FAM181A: variants seen among roughly 807,000 people sequenced by gnomAD.
The protein encoded by FAM181A is protein FAM181A.
FAM181A carries 7 observed loss-of-function variants against 16.3 expected under a neutral mutation model. The observed-to-expected ratio is 0.43, with a 90% CI of 0.24 to 0.81. The LOEUF is 0.81. Ranked by LOEUF, FAM181A falls within the 30% of genes least tolerant of loss-of-function variation. FAM181A has a pLI of 0.24. For synonymous variants in FAM181A, 183 were observed against 164.9 expected, an observed-to-expected ratio of 1.11 and a Z score of -0.84; for missense variants, 349 against 377.5, an observed-to-expected ratio of 0.92 and a Z score of 0.63.
At chr14:93,925,341 G>T, upstream of FAM181A, 1 of 1,613,446 alleles carries the variant, frequency 6.2e-7, no homozygotes. Flanking sequence ...CAGAAGGCCT[G>T]GGGAGAAAAG....
In FAM181A at chr14:93,928,988, C is replaced by T. The variant is rs544276949; in HGVS notation, c.703C>T (p.Pro235Ser). ...PGPLGALPQS[P>S]VPSLGLWRKS... Reference sequence around the variant, plus strand: ...CCCCCTGGGGGCACTGCCTCAGAGTCCTGTCCCCAGCCTGGGCCTTTGGAG... The same window carrying T: ...CCCCCTGGGGGCACTGCCTCAGAGTTCTGTCCCCAGCCTGGGCCTTTGGAG... Residue 235 changes from proline (P) to serine (S), a missense_variant, in exon 2 of 2, where the codon CCT becomes TCT. Pro to Ser is a moderately conservative substitution (Grantham distance 74, BLOSUM62 -1). Transcript: ENST00000556222. 229 of 1,612,722 alleles carry T rather than the reference C, an allele frequency of 1.4e-4. 4 individuals are homozygous for T. The South Asian group carries it at 2.5e-3, about 17-fold the overall frequency.
In FAM181A at chr14:93,929,294, G is replaced by C; in HGVS notation, c.*130G>C. On this transcript the variant is annotated 3_prime_UTR_variant, in exon 2 of 2. Transcript: ENST00000556222. ...CGTTTGTGTGCGCATGGGAGTGGAG[G>C]GCAGGATTGGGGCAGGGCTCCTCAG... 8.0e-7 allele frequency: 1 copy of C among 1,249,438 alleles called. No individual in the cohort carries two copies. Among genetic ancestry groups the C allele is most frequent in the Non-Finnish European group, 1.1e-6 (1 of 937,188 alleles). The allele number at this position is 1,249,438 out of a possible 1,614,324, so 77.4% of individuals were successfully genotyped here.
At chr14:93,927,589 G>A in intron 1 of FAM181A, 135 bp downstream of exon 1, 1 of 1,287,004 alleles carries the variant, frequency 7.8e-7, no homozygotes, top group Non-Finnish European at 1.0e-6. Context: ...TTCTTCGGGG[G>A]AATCCCTGCT....
rs752673361 is a variant in FAM181A at position 93,929,126 on chromosome 14, G to A, written c.841G>A (p.Val281Met). 5.2e-5 allele frequency: 79 copies of A among 1,523,688 alleles called. No individual in the cohort carries two copies. The highest frequency in any genetic ancestry group is 1.1e-4 in the African/African-American group (8 of 71,964). The allele number at this position is 1,523,688 out of a possible 1,614,324, so 94.4% of individuals were successfully genotyped here. A position where few individuals can be genotyped will look rare whatever the true frequency, so the allele number is the denominator to read the frequency against. Residue 281 changes from valine (V) to methionine (M), a missense_variant, in exon 2 of 2, where the codon GTG (valine) becomes ATG (methionine). Val to Met is a conservative substitution (Grantham distance 21). Transcript: ENST00000556222. The part of the protein sequence containing the change: ...VLKPIPTKPA[V>M]PPPIFNVFGY... ...GAAACCCATCCCCACCAAGCCAGCC[G>A]TGCCCCCACCCATCTTCAATGTCTT...
chr14:93,925,389 G>T, upstream of FAM181A: 1 of 1,606,910 alleles, frequency 6.2e-7, no homozygotes, highest in South Asian at 1.1e-5. Flanking sequence ...GTAGTCAGAT[G>T]CCAGCTGCTG....
chr14:93,919,687 G>A (rs1451048583), intron 1 of FAM181A, among the ~76,000 whole-genome samples: 1 of 152,154 alleles, frequency 6.6e-6, no homozygotes, highest in Non-Finnish European at 1.5e-5. Context: ...TCCCACGTGG[G>A]TCTTCTTGTT....
In FAM181A at chr14:93,928,738, G is replaced by A. The variant is rs546229944; in HGVS notation, c.453G>A (p.Val151=). Residue 151 remains valine (V), a synonymous_variant, in exon 2 of 2, where the codon GTG becomes GTA. Coordinates refer to ENST00000556222, the MANE Select transcript of FAM181A (RefSeq NM_001207073.2). ...EEPRPTHSYH[V]GLEGGLGPRE... ...CAAGGCCCACCCACAGCTACCATGTGGGGCTGGAGGGGGGACTGGGCCCCA... is the reference window on the plus strand; with the variant it reads ...CAAGGCCCACCCACAGCTACCATGTAGGGCTGGAGGGGGGACTGGGCCCCA... 2 of 1,613,952 alleles carry A rather than the reference G, an allele frequency of 1.2e-6. No homozygotes were observed. The highest frequency in any genetic ancestry group is 4.5e-5 in the East Asian group (2 of 44,870).
At chr14:93,925,482 G>A, upstream of FAM181A, 1 of 961,334 alleles carries the variant, frequency 1.0e-6, no homozygotes, top group Non-Finnish European at 1.5e-6. Context: ...CAGGCCCTCA[G>A]GGCGCTCTCT....
At chr14:93,925,198 G>C (rs1484733369), upstream of FAM181A, 1 of 1,411,866 alleles carries the variant, frequency 7.1e-7, no homozygotes, top group East Asian at 2.3e-5. Flanking sequence ...GTGCAGAATG[G>C]GCCAGCAGGG....
rs1411856593 is a variant in FAM181A, at chr14:93,927,375, C to T, written c.-167C>T. 8.8e-7 allele frequency: 1 copy of T among 1,133,056 alleles called. No individual in the cohort carries two copies. Among genetic ancestry groups the T allele is most frequent in the African/African-American group, 1.7e-5 (1 of 59,420 alleles). The allele number at this position is 1,133,056 out of a possible 1,614,324, so 70.2% of individuals were successfully genotyped here. ...CTGCTTCCAGCCGGACGGAGCTCGG[C>T]CGGCTGCGCCGGGGCCTGTCCCAGG... On this transcript the variant is annotated 5_prime_UTR_variant, in exon 1 of 2. Coordinates refer to ENST00000556222, the MANE Select transcript of FAM181A (RefSeq NM_001207073.2).
chr14:93,922,409 G>C (rs1887756852), upstream of FAM181A: 1 of 152,174 alleles, frequency 6.6e-6, no homozygotes, highest in Non-Finnish European at 1.5e-5. Context: ...GCTTTTTTAG[G>C]CTGGGCGTGG....
intron 1 of FAM181A, among the ~76,000 whole-genome samples, chr14:93,921,684 G>A (rs185423431): frequency 2.8e-4 from 43 of 152,330 alleles, no homozygotes; most frequent in African/African-American, 8.4e-4. Context: ...TCCCCGAGCT[G>A]GTGTGGTCGG....
chr14:93,927,490 G>T, intron 1 of FAM181A, 36 bp downstream of exon 1: 1 of 1,266,610 alleles, frequency 7.9e-7, no homozygotes, highest in Non-Finnish European at 1.0e-6. Flanking sequence ...GGCCCGACTG[G>T]GTGGCGGGTG....
chr14:93,921,174 G>A (rs939354646), intron 1 of FAM181A, among the ~76,000 whole-genome samples: 3 of 152,218 alleles, frequency 2.0e-5, no homozygotes, highest in African/African-American at 7.2e-5. Flanking sequence ...GAGAGGGTGA[G>A]TGACTACCTC....
chr14:93,928,749 G>T lies in FAM181A; in HGVS notation c.464G>T (p.Gly155Val), dbSNP rs1888032268. Residue 155 changes from glycine to valine, a missense_variant, in exon 2 of 2, where the codon GGG (glycine) becomes GTG (valine). Transcript: ENST00000556222. ...PTHSYHVGLE[G>V]GLGPREGPPY... ...CACAGCTACCATGTGGGGCTGGAGG[G>T]GGGACTGGGCCCCAGGGAGGGACCT... 1 of 1,613,858 alleles carries T rather than the reference G, an allele frequency of 6.2e-7. No individual in the cohort carries two copies. Among genetic ancestry groups the T allele is most frequent in the Admixed American group, 1.7e-5 (1 of 60,010 alleles).
chr14:93,919,183 G>A (rs931462684), intron 1 of FAM181A, among the ~76,000 whole-genome samples: 2 of 152,206 alleles, frequency 1.3e-5, no homozygotes, highest in Admixed American at 1.3e-4. Context: ...GCAAGGGAAG[G>A]GCACCGACTA....
Position 93,928,948 on chromosome 14 carries a change from G to A in FAM181A, c.663G>A (p.Gln221=), listed in dbSNP as rs750801341. ...WSCCPFQYHG[Q]PIYPGPLGAL... ...GCTGCCCCTTCCAGTACCATGGACAGCCCATCTATCCGGGCCCCCTGGGGG... is the reference window on the plus strand; with the variant it reads ...GCTGCCCCTTCCAGTACCATGGACAACCCATCTATCCGGGCCCCCTGGGGG... Residue 221 remains glutamine (Q), a synonymous_variant, in exon 2 of 2, where the codon CAG becomes CAA. Coordinates refer to ENST00000556222, the MANE Select transcript of FAM181A (RefSeq NM_001207073.2). The A allele has an allele frequency of 6.2e-7, 1 of 1,614,084 alleles. No individual in the cohort carries two copies. The highest frequency in any genetic ancestry group is 8.5e-7 in the Non-Finnish European group (1 of 1,179,990).
At chr14:93,920,151 T>C (rs1036149609) in intron 1 of FAM181A, among the ~76,000 whole-genome samples, 5 of 152,180 alleles carry the variant, frequency 3.3e-5, no homozygotes, top group Non-Finnish European at 5.9e-5. Flanking sequence ...TGGTGGCTCA[T>C]ACCTGTAATC....
chr14:93,927,658 C>T, intron 1 of FAM181A: 1 of 1,272,342 alleles, frequency 7.9e-7, no homozygotes, highest in Non-Finnish European at 1.0e-6. Flanking sequence ...GACAGGGGTC[C>T]TGCCTGGTCC....
Sources: gnomAD v4.1 joint callset for allele counts (sites outside exome capture counted in the v4.1 genomes callset) on GRCh38, gnomAD v4.1.1 for gene constraint, MANE v1.5 for transcripts, NCBI Gene and HGNC (gene_info 2026-07-23, HGNC 2026-07-21) for gene names.